The following MBNL2 variants were observed in gnomAD, a reference collection of about 807,000 sequenced individuals.
MBNL2 encodes muscleblind like splicing regulator 2.
MBNL2 carries 17 observed loss-of-function variants against 41.9 expected under a neutral mutation model. The observed-to-expected ratio is 0.41, with a 90% confidence interval of 0.28 to 0.61. The LOEUF is 0.61. Among genes scored for constraint, MBNL2 ranks in the 20% least tolerant of loss-of-function variants. The pLI, the probability that MBNL2 is intolerant of heterozygous loss-of-function variation, is 0.35. For synonymous variants in MBNL2, 195 were observed against 182.9 expected, an observed-to-expected ratio of 1.07 and a Z score of -0.53; for missense variants, 336 against 505.6, an observed-to-expected ratio of 0.66 and a Z score of 3.22.
intron 2 of MBNL2, among the ~76,000 whole-genome samples, chr13:97,293,523 C>G (rs1263951229): frequency 6.6e-6 from 1 of 152,152 alleles, no homozygotes; most frequent in Admixed American, 6.5e-5. Context: ...GTTATATCAG[C>G]GTGCAGATAT....
chr13:97,265,778 A>T (rs748003751), intron 1 of MBNL2, among the ~76,000 whole-genome samples: 49 of 152,070 alleles, frequency 3.2e-4, no homozygotes, highest in Non-Finnish European at 1.0e-4. Context: ...GCATGTATTT[A>T]TGGCTTAAGT....
the MBNL2 span, among the ~76,000 whole-genome samples, chr13:97,199,020 C>T: frequency 3.3e-5 from 5 of 152,282 alleles, no homozygotes; most frequent in East Asian, 9.7e-4. Flanking sequence ...TTACAAACTG[C>T]TTGTGGAAGG....
intron 2 of MBNL2, among the ~76,000 whole-genome samples, chr13:97,278,251 CAAAAAAAAAAAAA>C (rs10606011): frequency 2.5e-5 from 1 of 40,514 alleles, no homozygotes; most frequent in Non-Finnish European, 4.0e-5. Context: ...GAGACTGTCT[CAAAAAAAAAAAAA>C]AAAAAAAAAA....
intron 8 of MBNL2, among the ~76,000 whole-genome samples, chr13:97,376,162 A>G (rs2064947370): frequency 6.6e-6 from 1 of 152,198 alleles, no homozygotes; most frequent in South Asian, 2.1e-4. Flanking sequence ...TAGAGAGAAA[A>G]GAGAACATTT....
chr13:97,286,256 T>C (rs775810554), intron 2 of MBNL2, among the ~76,000 whole-genome samples: 9 of 152,224 alleles, frequency 5.9e-5, no homozygotes, highest in Admixed American at 1.3e-4. Flanking sequence ...ACTGTTCTCA[T>C]TGGACCCATT....
chr13:97,186,687 T>C, the MBNL2 span, among the ~76,000 whole-genome samples: 7 of 152,234 alleles, frequency 4.6e-5, no homozygotes, highest in African/African-American at 1.7e-4. Context: ...ATGGATACTT[T>C]CAGATTCATC....
At chr13:97,184,475 G>A in the MBNL2 span, among the ~76,000 whole-genome samples, 6 of 151,926 alleles carry the variant, frequency 3.9e-5, no homozygotes, top group East Asian at 5.8e-4. Context: ...CCATCCTTCC[G>A]TGTTCCCCCC....
upstream of MBNL2, among the ~76,000 whole-genome samples, chr13:97,217,042 T>C (rs573494376): frequency 6.9e-6 from 1 of 145,186 alleles, no homozygotes; most frequent in Non-Finnish European, 1.5e-5. Context: ...AATATACACA[T>C]AATATGTAAT....
the MBNL2 span, among the ~76,000 whole-genome samples, chr13:97,209,075 A>G: frequency 6.6e-6 from 1 of 152,244 alleles, no homozygotes; most frequent in South Asian, 2.1e-4. Context: ...AAAAAGGTAC[A>G]ATAAATGAAT....
chr13:97,299,256 A>C (rs1480757782), intron 2 of MBNL2, among the ~76,000 whole-genome samples: 1 of 152,036 alleles, frequency 6.6e-6, no homozygotes, highest in African/African-American at 2.4e-5. Context: ...TGAAATTTAA[A>C]GTTTTCTAAC....
chr13:97,208,554 C>T, the MBNL2 span, among the ~76,000 whole-genome samples: 2 of 152,116 alleles, frequency 1.3e-5, no homozygotes, highest in Non-Finnish European at 2.9e-5. Context: ...AAACCCTAGT[C>T]CCTAGTCTTT....
At chr13:97,298,393 G>A (rs2057286364) in intron 2 of MBNL2, among the ~76,000 whole-genome samples, 1 of 152,160 alleles carries the variant, frequency 6.6e-6, no homozygotes, top group Non-Finnish European at 1.5e-5. Context: ...CTCATAGCAG[G>A]AACCTTGTTT....
chr13:97,209,971 C>T, the MBNL2 span, among the ~76,000 whole-genome samples: 1 of 151,996 alleles, frequency 6.6e-6, no homozygotes, highest in Non-Finnish European at 1.5e-5. Context: ...AATTTTTGTG[C>T]TTTTAGTAGA....
At chr13:97,297,055 G>A (rs2057113878) in intron 2 of MBNL2, among the ~76,000 whole-genome samples, 1 of 152,182 alleles carries the variant, frequency 6.6e-6, no homozygotes, top group African/African-American at 2.4e-5. Flanking sequence ...TGGTACCATT[G>A]AAAGAGAGTT....
At chr13:97,236,509 T>C (rs1050341930) in intron 1 of MBNL2, among the ~76,000 whole-genome samples, 3 of 150,428 alleles carry the variant, frequency 2.0e-5, no homozygotes, top group Non-Finnish European at 4.4e-5. Context: ...ACAGGATATG[T>C]GGTCTTTTTT....
At chr13:97,212,368 C>T in the MBNL2 span, among the ~76,000 whole-genome samples, 2 of 152,082 alleles carry the variant, frequency 1.3e-5, no homozygotes, top group Non-Finnish European at 2.9e-5. Flanking sequence ...CTGTCCTGGC[C>T]CCACGGTAGA....
chr13:97,228,965 G>T (rs2042031107), intron 1 of MBNL2, among the ~76,000 whole-genome samples: 1 of 151,528 alleles, frequency 6.6e-6, no homozygotes, highest in Non-Finnish European at 1.5e-5. Context: ...AAACCTCTGG[G>T]AATCCACACG....
intron 1 of MBNL2, among the ~76,000 whole-genome samples, chr13:97,252,316 T>A (rs1015322387): frequency 3.3e-5 from 5 of 152,200 alleles, no homozygotes; most frequent in Non-Finnish European, 5.9e-5. Context: ...TTGTGATTCT[T>A]TTCAGGAATT....
the MBNL2 span, among the ~76,000 whole-genome samples, chr13:97,152,452 G>A: frequency 1.3e-4 from 19 of 151,994 alleles, no homozygotes; most frequent in Non-Finnish European, 2.6e-4. Context: ...GGCCAAGTGC[G>A]AACACAATGG....
Sources: gnomAD v4.1 joint callset for allele counts (sites outside exome capture counted in the v4.1 genomes callset) on GRCh38, gnomAD v4.1.1 for gene constraint, MANE v1.5 for transcripts, NCBI Gene and HGNC (gene_info 2026-07-23, HGNC 2026-07-21) for gene names.